The following SYN3 variants were observed in gnomAD, a reference collection of about 807,000 sequenced individuals.
SYN3 encodes synapsin-3.
Under a neutral mutation model 65.8 loss-of-function variants are expected in SYN3, and 35 were observed. The observed-to-expected ratio is 0.53, with a 90% CI of 0.41 to 0.70. SYN3 has a LOEUF of 0.70. Ranked by LOEUF, SYN3 falls within the 30% of genes least tolerant of loss-of-function variation. The probability of loss-of-function intolerance (pLI) is 0.00; values close to 1 mark genes in which losing one functional copy is unlikely to be tolerated. For missense variants in SYN3, 680 were observed against 749.0 expected, an observed-to-expected ratio of 0.91 and a Z score of 1.08; for synonymous variants, 270 against 292.9, an observed-to-expected ratio of 0.92 and a Z score of 0.80.
At chr22:32,540,878 A>G (rs1444915462) in intron 8 of SYN3, among the ~76,000 whole-genome samples, 1 of 152,228 alleles carries the variant, frequency 6.6e-6, no homozygotes, top group Non-Finnish European at 1.5e-5. Context: ...TGACTAGGGC[A>G]GATTCATTTA....
intron 6 of SYN3, among the ~76,000 whole-genome samples, chr22:32,761,446 G>A (rs992411987): frequency 2.6e-5 from 4 of 152,184 alleles, no homozygotes; most frequent in African/African-American, 9.7e-5. Flanking sequence ...ACACCCCAGG[G>A]CAGGTCACTC....
intron 1 of SYN3, among the ~76,000 whole-genome samples, chr22:33,055,785 C>T (rs537586180): frequency 1.3e-5 from 2 of 152,312 alleles, no homozygotes; most frequent in African/African-American, 2.4e-5. Flanking sequence ...TGCAATGTTC[C>T]ACCCCTCAAC....
At chr22:32,695,141 C>G (rs1005381775) in intron 6 of SYN3, among the ~76,000 whole-genome samples, 1 of 152,098 alleles carries the variant, frequency 6.6e-6, no homozygotes, top group African/African-American at 2.4e-5. Context: ...TGTCTTATTG[C>G]TCTGTTCCTT....
chr22:32,987,176 G>A (rs752231675), intron 2 of SYN3, among the ~76,000 whole-genome samples: 7 of 152,026 alleles, frequency 4.6e-5, no homozygotes, highest in Non-Finnish European at 7.4e-5. Flanking sequence ...CTGTCTCTCC[G>A]CAGGCCACCC....
chr22:32,684,248 G>T (rs907648639), intron 6 of SYN3, among the ~76,000 whole-genome samples: 2 of 152,070 alleles, frequency 1.3e-5, no homozygotes, highest in African/African-American at 4.8e-5. Context: ...CACAGTTGGA[G>T]CTTGCAGAAG....
intron 6 of SYN3, among the ~76,000 whole-genome samples, chr22:32,676,857 T>C (rs1211584370): frequency 6.6e-6 from 1 of 152,146 alleles, no homozygotes; most frequent in Non-Finnish European, 1.5e-5. Context: ...GCTTCCATTT[T>C]CAAATGGCAC....
intron 6 of SYN3, among the ~76,000 whole-genome samples, chr22:32,852,513 T>G (rs915823954): frequency 6.6e-6 from 1 of 152,162 alleles, no homozygotes; most frequent in African/African-American, 2.4e-5. Flanking sequence ...TGGGAGACTT[T>G]GTTCTAGCAG....
In SYN3 at chr22:32,648,804, A is replaced by C. The variant is rs2060020635; in HGVS notation, c.712-52068T>G. 3.9e-5 allele frequency among the ~76,000 whole-genome samples: 6 copies of C among 152,184 alleles called. No individual in the cohort carries two copies. The South Asian group carries it at 1.2e-3, about 32-fold the overall frequency. Reference sequence around the variant, plus strand: ...CTCACAGCAAACAACTAAGATGGACAATTATGATTTTTGTTGTTGTCCAAG... The same window carrying C: ...CTCACAGCAAACAACTAAGATGGACCATTATGATTTTTGTTGTTGTCCAAG... On this transcript the variant is annotated intron_variant, in intron 6 of 13. Coordinates refer to ENST00000358763, the MANE Select transcript of SYN3 (RefSeq NM_003490.4).
At chr22:32,528,789 C>T in intron 11 of SYN3, 85 bp downstream of exon 11, 3 of 1,570,340 alleles carry the variant, frequency 1.9e-6, no homozygotes, top group Non-Finnish European at 1.7e-6. Context: ...TGGGGGTATC[C>T]CCTTTGGATC....
intron 7 of SYN3, among the ~76,000 whole-genome samples, chr22:32,550,963 A>G (rs978098581): frequency 3.3e-5 from 5 of 152,272 alleles, no homozygotes; most frequent in Non-Finnish European, 7.3e-5. Flanking sequence ...AGTGACTTCA[A>G]TAGATTGAAA....
rs573801581 is a variant in SYN3, at chr22:32,814,229, A to G, written c.711+50686T>C. ...AGAAAACAAAGAAAGGAAAGAAAGA[A>G]AAAAAAAGAAAGAAAGAAGGAAAGA... On this transcript the variant is annotated intron_variant, in intron 6 of 13. Transcript: ENST00000358763. 3.5e-3 allele frequency among the ~76,000 whole-genome samples: 489 copies of G among 138,930 alleles called. 4 individuals carry two copies. Among genetic ancestry groups the G allele is most frequent in the Non-Finnish European group, 5.2e-3 (332 of 63,960 alleles). 91.1% of individuals were successfully genotyped at this position (138,930 alleles called of 152,430 possible).
At chr22:32,543,039 T>G (rs2058283627) in intron 7 of SYN3, among the ~76,000 whole-genome samples, 1 of 152,044 alleles carries the variant, frequency 6.6e-6, no homozygotes, top group South Asian at 2.1e-4. Context: ...GCGGTCCACG[T>G]GGGGTTGGTC....
At chr22:33,036,642 T>TA (rs946847105) in intron 1 of SYN3, among the ~76,000 whole-genome samples, 3 of 149,590 alleles carry the variant, frequency 2.0e-5, no homozygotes, top group African/African-American at 7.4e-5. Flanking sequence ...GTCCCTTGTC[T>TA]AAAAAAATTT....
intron 6 of SYN3, among the ~76,000 whole-genome samples, chr22:32,690,449 C>T (rs916525599): frequency 5.3e-5 from 8 of 152,264 alleles, no homozygotes; most frequent in African/African-American, 1.9e-4. Flanking sequence ...CTCTGACTCT[C>T]TTCTCACCAC....
intron 2 of SYN3, among the ~76,000 whole-genome samples, chr22:33,001,856 A>G (rs1247572420): frequency 1.3e-5 from 2 of 152,232 alleles, no homozygotes; most frequent in African/African-American, 4.8e-5. Flanking sequence ...TGATGTCTGT[A>G]TTCTTAACAT....
intron 6 of SYN3, among the ~76,000 whole-genome samples, chr22:32,740,063 T>C: frequency 6.6e-6 from 1 of 152,308 alleles, no homozygotes; most frequent in African/African-American, 2.4e-5. Flanking sequence ...TATAAGGAAA[T>C]GCTGGCAGCA....
At chr22:32,918,844 C>A (rs2146623983) in intron 4 of SYN3, among the ~76,000 whole-genome samples, 1 of 152,260 alleles carries the variant, frequency 6.6e-6, no homozygotes, top group East Asian at 1.9e-4. Context: ...GGTGGGGAGG[C>A]CAAGAGCTAG....
In SYN3 at chr22:32,633,195, C is replaced by T. The variant is rs141447305; in HGVS notation, c.712-36459G>A. Among the ~76,000 whole-genome samples, 157 of 152,342 alleles carry T rather than the reference C, an allele frequency of 1.0e-3. 1 individual carries two copies. Among genetic ancestry groups the T allele is most frequent in the Non-Finnish European group, 4.9e-4 (33 of 68,030 alleles). On this transcript the variant is annotated intron_variant, in intron 6 of 13. Transcript: ENST00000358763. ...AGACTCATAGTCATAACTAAATCAT[C>T]AGTTATTATTTTTACGAAATACTTC...
chr22:32,612,941 T>C (rs2059465992), intron 6 of SYN3, among the ~76,000 whole-genome samples: 1 of 152,168 alleles, frequency 6.6e-6, no homozygotes, highest in Non-Finnish European at 1.5e-5. Context: ...AGGGACCTGG[T>C]GGCAGGTGAT....
Sources: allele counts gnomAD v4.1 joint callset (sites outside exome capture counted in the v4.1 genomes callset), GRCh38; gene constraint gnomAD v4.1.1; transcripts MANE v1.5; gene names NCBI Gene and HGNC (gene_info 2026-07-23, HGNC 2026-07-21).